The following MBNL2 variants were observed in gnomAD, a reference collection of about 807,000 sequenced individuals.
The protein encoded by MBNL2 is muscleblind like splicing regulator 2.
A neutral mutation model predicts 41.9 loss-of-function variants in MBNL2; 17 were observed. The observed-to-expected ratio is 0.41, with a 90% CI of 0.28 to 0.61. The LOEUF (loss-of-function observed/expected upper bound fraction) is 0.61. Ranked by LOEUF, MBNL2 falls within the 20% of genes least tolerant of loss-of-function variation. The probability of loss-of-function intolerance (pLI) is 0.35; values close to 1 mark genes in which losing one functional copy is unlikely to be tolerated. For missense variants in MBNL2, 336 were observed against 505.6 expected (o/e 0.66, Z 3.22); for synonymous variants, 195 against 182.9 (o/e 1.07, Z -0.53).
intron 2 of MBNL2, among the ~76,000 whole-genome samples, chr13:97,287,939 G>GTTTTTTTT (rs139487015): frequency 2.6e-5 from 3 of 114,098 alleles, no homozygotes; most frequent in Admixed American, 8.9e-5. Flanking sequence ...GTTTTGTTTT[G>GTTTTTTTT]TTTTTTTTTT....
the MBNL2 span, among the ~76,000 whole-genome samples, chr13:97,182,328 A>C: frequency 6.6e-6 from 1 of 152,236 alleles, no homozygotes. Context: ...GGAAGTCATA[A>C]ATATTCAGTT....
intron 1 of MBNL2, among the ~76,000 whole-genome samples, chr13:97,275,406 C>CTGTT (rs1472821371): frequency 2.6e-5 from 4 of 152,222 alleles, no homozygotes; most frequent in Non-Finnish European, 2.9e-5. Context: ...CCACACTCAT[C>CTGTT]TGTTTGAGTC....
chr13:97,298,611 TC>T (rs1303813628), intron 2 of MBNL2, among the ~76,000 whole-genome samples: 1 of 152,254 alleles, frequency 6.6e-6, no homozygotes, highest in Non-Finnish European at 1.5e-5. Context: ...TCTCACCTTT[TC>T]TTTCTCCTCC....
the MBNL2 span, among the ~76,000 whole-genome samples, chr13:97,155,550 C>G: frequency 5.4e-5 from 8 of 149,144 alleles, no homozygotes; most frequent in African/African-American, 2.0e-4. Context: ...TCCCCCCTCC[C>G]CACACCCCAC....
intron 1 of MBNL2, among the ~76,000 whole-genome samples, chr13:97,232,166 C>T (rs1488672168): frequency 6.6e-6 from 1 of 152,196 alleles, no homozygotes; most frequent in Non-Finnish European, 1.5e-5. Flanking sequence ...ATTGTTGAGT[C>T]TCATACCTTG....
chr13:97,183,560 A>G, the MBNL2 span, among the ~76,000 whole-genome samples: 61 of 152,200 alleles, frequency 4.0e-4, no homozygotes, highest in Non-Finnish European at 4.7e-4. Flanking sequence ...CCCAGATACC[A>G]TTTGCATTTC....
At chr13:97,296,277 T>G (rs913585560) in intron 2 of MBNL2, among the ~76,000 whole-genome samples, 2 of 152,228 alleles carry the variant, frequency 1.3e-5, no homozygotes, top group African/African-American at 4.8e-5. Flanking sequence ...CCAAGACATT[T>G]GTACAACAAT....
At chr13:97,174,687 AG>A in the MBNL2 span, among the ~76,000 whole-genome samples, 3 of 152,220 alleles carry the variant, frequency 2.0e-5, no homozygotes, top group Admixed American at 6.5e-5. Flanking sequence ...CTGTAGAAGA[AG>A]CAGACTCCTA....
intron 2 of MBNL2, among the ~76,000 whole-genome samples, chr13:97,322,400 G>T (rs1052191961): frequency 5.3e-5 from 8 of 152,110 alleles, no homozygotes; most frequent in Non-Finnish European, 4.4e-5. Flanking sequence ...TACGATTTTT[G>T]ACTTTAGAAC....
intron 1 of MBNL2, among the ~76,000 whole-genome samples, chr13:97,224,131 G>C (rs1187206595): frequency 2.0e-5 from 3 of 152,222 alleles, no homozygotes; most frequent in African/African-American, 7.2e-5. Context: ...GCAGCAGGGA[G>C]CAGGGCAAAG....
chr13:97,244,465 G>T (rs997846687), intron 1 of MBNL2, among the ~76,000 whole-genome samples: 2 of 152,180 alleles, frequency 1.3e-5, no homozygotes, highest in African/African-American at 4.8e-5. Context: ...AACAAATAGA[G>T]ACAAGTCAAC....
chr13:97,326,229 G>A (rs181098984), intron 2 of MBNL2, among the ~76,000 whole-genome samples: 4 of 152,268 alleles, frequency 2.6e-5, no homozygotes, highest in Admixed American at 1.3e-4. Flanking sequence ...TCCTAAACCC[G>A]TAGCAATTGG....
intron 2 of MBNL2, among the ~76,000 whole-genome samples, chr13:97,308,867 A>G (rs1407885555): frequency 1.3e-5 from 2 of 152,240 alleles, no homozygotes; most frequent in Admixed American, 1.3e-4. Flanking sequence ...GACTGTGACT[A>G]TGACAATGGT....
chr13:97,248,539 C>T (rs573054833), intron 1 of MBNL2, among the ~76,000 whole-genome samples: 1 of 152,312 alleles, frequency 6.6e-6, no homozygotes, highest in South Asian at 2.1e-4. Context: ...ACCACAGTCT[C>T]ATATTTCACC....
intron 8 of MBNL2, among the ~76,000 whole-genome samples, chr13:97,383,526 C>T (rs1594297227): frequency 6.6e-6 from 1 of 152,054 alleles, no homozygotes; most frequent in African/African-American, 2.4e-5. Context: ...AAATATTGGA[C>T]AGAAATGAGT....
chr13:97,361,741 G>A (rs534528625), intron 7 of MBNL2, among the ~76,000 whole-genome samples: 25 of 150,064 alleles, frequency 1.7e-4, no homozygotes, highest in African/African-American at 5.6e-4. Flanking sequence ...AAATAAGAGC[G>A]GATTTTTATA....
chr13:97,184,990 A>G, the MBNL2 span, among the ~76,000 whole-genome samples: 4 of 152,176 alleles, frequency 2.6e-5, no homozygotes, highest in South Asian at 4.1e-4. Flanking sequence ...TGAAACAACA[A>G]TTATTCATTT....
the MBNL2 span, among the ~76,000 whole-genome samples, chr13:97,156,728 G>A: frequency 6.7e-6 from 1 of 150,344 alleles, no homozygotes; most frequent in South Asian, 2.1e-4. Flanking sequence ...TTATTTCTGA[G>A]GGCTCTGTTC....
chr13:97,328,173 CTTTTT>C (rs35671709), intron 2 of MBNL2, among the ~76,000 whole-genome samples: 10 of 131,788 alleles, frequency 7.6e-5, no homozygotes, highest in African/African-American at 1.5e-4. Context: ...TTCCTTAACC[CTTTTT>C]TTTTTTTTTT....
Sources: gnomAD v4.1 joint callset for allele counts (sites outside exome capture counted in the v4.1 genomes callset) on GRCh38, gnomAD v4.1.1 for gene constraint, MANE v1.5 for transcripts, NCBI Gene and HGNC (gene_info 2026-07-23, HGNC 2026-07-21) for gene names.